Variants in DGLUCY observed in about 807,000 individuals in gnomAD.
DGLUCY encodes the protein D-glutamate cyclase.
DGLUCY carries 58 observed loss-of-function variants against 58.5 expected under a neutral mutation model. That is an observed-to-expected ratio of 0.99 (90% CI 0.80 to 1.23). DGLUCY has a LOEUF of 1.23. Among genes scored for constraint, DGLUCY ranks in the 50% most tolerant of loss-of-function variants. The pLI is 0.00. For missense variants in DGLUCY, 779 were observed against 784.7 expected, an observed-to-expected ratio of 0.99 and a Z score of 0.09; for synonymous variants, 325 against 314.1, an observed-to-expected ratio of 1.03 and a Z score of -0.37.
intron 11 of DGLUCY, 130 bp downstream of exon 11, chr14:91,200,035 A>T: frequency 8.6e-7 from 1 of 1,159,020 alleles, no homozygotes; most frequent in Non-Finnish European, 1.2e-6. Context: ...GCTCACTGCA[A>T]CCTCTGCCTC....
At chr14:91,167,168 A>T in intron 3 of DGLUCY, 57 bp from the exon 4 acceptor site, 1 of 1,514,922 alleles carries the variant, frequency 6.6e-7, no homozygotes, top group Non-Finnish European at 8.8e-7. Context: ...GAAAATCAGT[A>T]AGTGTCTGCC....
intron 5 of DGLUCY, among the ~76,000 whole-genome samples, chr14:91,172,260 G>A (rs1270142404): frequency 6.6e-6 from 1 of 151,858 alleles, no homozygotes; most frequent in Admixed American, 6.6e-5. Flanking sequence ...GTTTTTTTTG[G>A]TAGAGACAGG....
At chr14:91,140,250 C>T (rs1404265705) in intron 1 of DGLUCY, among the ~76,000 whole-genome samples, 1 of 152,184 alleles carries the variant, frequency 6.6e-6, no homozygotes, top group Non-Finnish European at 1.5e-5. Context: ...AATGTAAAAC[C>T]TATTCTTAGC....
At chr14:91,175,617 C>T (rs2048811624) in intron 6 of DGLUCY, 3 of 266,098 alleles carry the variant, frequency 1.1e-5, no homozygotes, top group Admixed American at 8.6e-5. Flanking sequence ...AAGGTCAACC[C>T]CCCAAGGCTG....
chr14:91,113,218 C>T (rs1332727164), upstream of DGLUCY, among the ~76,000 whole-genome samples: 1 of 152,154 alleles, frequency 6.6e-6, no homozygotes, highest in East Asian at 1.9e-4. Flanking sequence ...AAGAATCGCT[C>T]GAACCTGGGA....
chr14:91,192,980 G>T (rs2049991301), intron 9 of DGLUCY, among the ~76,000 whole-genome samples: 1 of 152,148 alleles, frequency 6.6e-6, no homozygotes, highest in Admixed American at 6.5e-5. Context: ...AGCAGCGTGG[G>T]CAAGGAGAAA....
chr14:91,156,638 T>TC (rs1290928897), intron 1 of DGLUCY, among the ~76,000 whole-genome samples: 1 of 152,236 alleles, frequency 6.6e-6, no homozygotes, highest in Non-Finnish European at 1.5e-5. Context: ...GTGGGGCTCC[T>TC]CTCTGATATA....
chr14:91,077,549 C>G (rs532086144), intron 1 of DGLUCY, among the ~76,000 whole-genome samples: 2 of 151,720 alleles, frequency 1.3e-5, no homozygotes, highest in East Asian at 2.0e-4. Context: ...GTCAATAGAT[C>G]GAGACCATCC....
intron 1 of DGLUCY, among the ~76,000 whole-genome samples, chr14:91,119,268 C>T (rs185481189): frequency 6.6e-6 from 1 of 152,156 alleles, no homozygotes; most frequent in Non-Finnish European, 1.5e-5. Context: ...CCTTCTGTTC[C>T]TGCCTGTAGT....
chr14:91,128,943 G>GT (rs2045879153), intron 1 of DGLUCY: 1 of 152,012 alleles, frequency 6.6e-6, no homozygotes, highest in Non-Finnish European at 1.5e-5. Flanking sequence ...GCCCTTCTGG[G>GT]TTGGGGGAAA....
At chr14:91,060,924 C>T (rs1247269459) in intron 1 of DGLUCY, 3 of 153,296 alleles carry the variant, frequency 2.0e-5, no homozygotes, top group African/African-American at 7.2e-5. Flanking sequence ...CTGGTGCGCA[C>T]TCGCAGTCAA....
In DGLUCY at chr14:91,168,034, G is replaced by T. The variant is rs148520662; in HGVS notation, c.257+656G>T. On this transcript the variant is annotated intron_variant, in intron 4 of 13. Coordinates refer to ENST00000256324, the MANE Select transcript of DGLUCY (RefSeq NM_001102368.3). ...AATCCCAGTACTTCGGGAGGCTGAG[G>T]CAGGAGGATGGCTTGAGCCCAGGAG... 3.5e-3 allele frequency among the ~76,000 whole-genome samples: 537 copies of T among 152,248 alleles called. 6 individuals are homozygous for T. The highest frequency in any genetic ancestry group is 0.012 in the African/African-American group (518 of 41,534).
intron 1 of DGLUCY, among the ~76,000 whole-genome samples, chr14:91,121,873 C>G (rs761043542): frequency 6.6e-6 from 1 of 152,080 alleles, no homozygotes; most frequent in Non-Finnish European, 1.5e-5. Flanking sequence ...AAGCATCTGT[C>G]TCTTCTCTGG....
In DGLUCY at chr14:91,102,736, A is replaced by AGTGTGTGTGTGTGTGTGT. The variant is rs1288611586; in HGVS notation, c.-82+42038_-82+42039insGTGTGTGTGTGTGTGTGT. ...GGAGGATGCTGCTGGGACCCCTTCCAGTGTGTATGTGTGTGTGTGTGTGTG... is the reference window on the plus strand; with the variant it reads ...GGAGGATGCTGCTGGGACCCCTTCCAGTGTGTGTGTGTGTGTGTGTGTGTATGTGTGTGTGTGTGTGTG... On this transcript the variant is annotated intron_variant, in intron 1 of 4. Coordinates refer to the DGLUCY transcript ENST00000521334. Among the ~76,000 whole-genome samples, 44 of 60,804 alleles carry AGTGTGTGTGTGTGTGTGT rather than the reference A, an allele frequency of 7.2e-4. 1 individual carries two copies. Among genetic ancestry groups the AGTGTGTGTGTGTGTGTGT allele is most frequent in the East Asian group, 5.0e-3 (8 of 1,608 alleles). 39.9% of individuals were successfully genotyped at this position (60,804 alleles called of 152,430 possible).
chr14:91,138,877 C>T (rs1030260557), intron 1 of DGLUCY, among the ~76,000 whole-genome samples: 3 of 152,156 alleles, frequency 2.0e-5, no homozygotes, highest in Non-Finnish European at 4.4e-5. Context: ...TTATATTGGC[C>T]TTCGAGACCA....
At chr14:91,094,292 G>A (rs147547072) in intron 1 of DGLUCY, among the ~76,000 whole-genome samples, 165 of 151,944 alleles carry the variant, frequency 1.1e-3, no homozygotes, top group African/African-American at 3.6e-3. Flanking sequence ...AAAATTAGCC[G>A]GGTGCGGTGG....
At chr14:91,135,002 G>T (rs2046244347) in intron 1 of DGLUCY, among the ~76,000 whole-genome samples, 1 of 151,754 alleles carries the variant, frequency 6.6e-6, no homozygotes, top group African/African-American at 2.4e-5. Context: ...TCTGCTCATT[G>T]CAACCTCCCC....
chr14:91,114,510 T>G (rs2044790631), intron 1 of DGLUCY: 1 of 152,270 alleles, frequency 6.6e-6, no homozygotes, highest in South Asian at 2.1e-4. Flanking sequence ...AGATAGCACC[T>G]GAGGACAGAA....
chr14:91,073,231 A>C (rs986333939), intron 1 of DGLUCY, among the ~76,000 whole-genome samples: 1 of 152,122 alleles, frequency 6.6e-6, no homozygotes, highest in Non-Finnish European at 1.5e-5. Context: ...GCCTGAGCTC[A>C]GGAGTTCGAG....
Sources: gnomAD v4.1 joint callset for allele counts (sites outside exome capture counted in the v4.1 genomes callset) on GRCh38, gnomAD v4.1.1 for gene constraint, MANE v1.5 for transcripts, NCBI Gene and HGNC (gene_info 2026-07-23, HGNC 2026-07-21) for gene names.